MBD5: variants seen among roughly 807,000 people sequenced by gnomAD.
The protein encoded by MBD5 is methyl-CpG binding domain protein 5, also known as methyl-CpG-binding domain protein 5.
A neutral mutation model predicts 117.3 loss-of-function variants in MBD5; 13 were observed. The ratio of observed to expected loss-of-function variants is 0.11; its 90% CI spans 0.07 to 0.18. The LOEUF (loss-of-function observed/expected upper bound fraction) is 0.18. Among genes scored for constraint, MBD5 ranks in the 10% least tolerant of loss-of-function variants. The pLI is 1.00. For synonymous variants in MBD5, 727 were observed against 766.4 expected, an observed-to-expected ratio of 0.95 and a Z score of 0.85; for missense variants, 1,879 against 2,093.8, an observed-to-expected ratio of 0.90 and a Z score of 2.00.
intron 3 of MBD5, among the ~76,000 whole-genome samples, chr2:148,253,489 T>C (rs757379841): frequency 2.6e-5 from 4 of 152,218 alleles, no homozygotes; most frequent in Non-Finnish European, 5.9e-5. Context: ...ACCTCAGAGA[T>C]ACTGCAGGTT....
At chr2:148,294,176 T>G (rs892600529) in intron 3 of MBD5, among the ~76,000 whole-genome samples, 1 of 150,896 alleles carries the variant, frequency 6.6e-6, no homozygotes, top group African/African-American at 2.5e-5. Context: ...CTTTTTGAAA[T>G]AGAGTTTGGC....
intron 1 of MBD5, among the ~76,000 whole-genome samples, chr2:148,080,959 T>C (rs1695633679): frequency 6.6e-6 from 1 of 152,176 alleles, no homozygotes; most frequent in African/African-American, 2.4e-5. Flanking sequence ...CAAAATGCAA[T>C]ATAGGAAGCT....
At chr2:148,327,119 A>T (rs1475375538) in intron 3 of MBD5, among the ~76,000 whole-genome samples, 1 of 151,998 alleles carries the variant, frequency 6.6e-6, no homozygotes, top group Non-Finnish European at 1.5e-5. Context: ...TGGATATGAA[A>T]TTCTGGGTTG....
intron 1 of MBD5, among the ~76,000 whole-genome samples, chr2:148,169,547 C>A (rs1420601256): frequency 6.6e-6 from 1 of 152,190 alleles, no homozygotes; most frequent in Non-Finnish European, 1.5e-5. Flanking sequence ...TAAAGGTGGG[C>A]TCTCAGAACC....
Position 148,021,284 on chromosome 2 carries a change from G to A in MBD5, c.-1325G>A, listed in dbSNP as rs17218767. ...CCTCCAGCCCTGAGCCCTGAGAGGG[G>A]GATTGAGCCTGAGAGAGGAGAAGGA... On this transcript the variant is annotated 5_prime_UTR_variant, in exon 1 of 14. Coordinates refer to ENST00000642680, the MANE Select transcript of MBD5 (RefSeq NM_001378120.1). 3 of 364,628 alleles carry A rather than the reference G, an allele frequency of 8.2e-6. No homozygotes were observed. Among genetic ancestry groups the A allele is most frequent in the Non-Finnish European group, 1.6e-5 (3 of 184,800 alleles). The allele number at this position is 364,628 out of a possible 1,614,324, so 22.6% of individuals were successfully genotyped here.
chr2:148,406,490 T>G (rs1286380925), intron 4 of MBD5, among the ~76,000 whole-genome samples: 2 of 152,160 alleles, frequency 1.3e-5, no homozygotes, highest in Non-Finnish European at 2.9e-5. Context: ...TTCCAGTCAA[T>G]TCTCAACACA....
chr2:148,381,961 C>G (rs1704159332), intron 4 of MBD5, among the ~76,000 whole-genome samples: 1 of 152,136 alleles, frequency 6.6e-6, no homozygotes, highest in Non-Finnish European at 1.5e-5. Context: ...GAAGGAAGCA[C>G]TAAACATAGA....
At chr2:148,271,160 A>C (rs1057248326) in intron 3 of MBD5, among the ~76,000 whole-genome samples, 3 of 152,144 alleles carry the variant, frequency 2.0e-5, no homozygotes, top group African/African-American at 7.2e-5. Context: ...TTTAGGCTCT[A>C]GGTAATTTTA....
chr2:148,262,310 G>T (rs1028792699), intron 3 of MBD5, among the ~76,000 whole-genome samples: 9 of 151,602 alleles, frequency 5.9e-5, no homozygotes, highest in African/African-American at 2.2e-4. Context: ...GTTTACCAGA[G>T]GATGACATAT....
intron 3 of MBD5, among the ~76,000 whole-genome samples, chr2:148,317,640 C>G (rs1376021902): frequency 6.7e-6 from 1 of 149,892 alleles, no homozygotes; most frequent in Non-Finnish European, 1.5e-5. Flanking sequence ...TCTCTAGTGT[C>G]TATTATTCCA....
At chr2:148,432,615 G>T (rs1012035899) in intron 4 of MBD5, among the ~76,000 whole-genome samples, 1 of 151,930 alleles carries the variant, frequency 6.6e-6, no homozygotes, top group Non-Finnish European at 1.5e-5. Flanking sequence ...AACATTTATT[G>T]AATGGGGAAT....
intron 3 of MBD5, among the ~76,000 whole-genome samples, chr2:148,300,356 G>A (rs1701754078): frequency 6.6e-6 from 1 of 152,034 alleles, no homozygotes; most frequent in East Asian, 1.9e-4. Flanking sequence ...CCCGGGCATG[G>A]GGATTGTTTT....
At chr2:148,088,236 ATTGT>A (rs780886865) in intron 1 of MBD5, among the ~76,000 whole-genome samples, 10 of 152,096 alleles carry the variant, frequency 6.6e-5, no homozygotes, top group Non-Finnish European at 1.3e-4. Flanking sequence ...CTTAAGAATA[ATTGT>A]TATTCCTGAG....
At chr2:148,163,523 A>G (rs11893214) in intron 1 of MBD5, among the ~76,000 whole-genome samples, 3 of 152,178 alleles carry the variant, frequency 2.0e-5, no homozygotes, top group South Asian at 4.1e-4. Context: ...TCAAGCGACA[A>G]TCCTACCTCA....
intron 2 of MBD5, among the ~76,000 whole-genome samples, chr2:148,218,488 A>G (rs1189099780): frequency 6.6e-6 from 1 of 152,234 alleles, no homozygotes; most frequent in East Asian, 1.9e-4. Flanking sequence ...GAGATGTGGT[A>G]GTGAAACAGA....
intron 3 of MBD5, among the ~76,000 whole-genome samples, chr2:148,254,315 A>G (rs1301167050): frequency 6.6e-6 from 1 of 152,160 alleles, no homozygotes; most frequent in East Asian, 1.9e-4. Context: ...AGCAGTTACT[A>G]TGTTTAAGGC....
chr2:148,062,664 T>C (rs1046708305), intron 1 of MBD5: 5 of 152,190 alleles, frequency 3.3e-5, no homozygotes, highest in African/African-American at 1.2e-4. Flanking sequence ...TAATTAATAG[T>C]ATTTGAATCA....
Position 148,088,016 on chromosome 2 carries a change from G to GA in MBD5, c.-925+66342dup, listed in dbSNP as rs549142676. Among the ~76,000 whole-genome samples the GA allele has an allele frequency of 3.1e-3, 450 of 145,932 alleles. 4 individuals carry two copies. Among genetic ancestry groups the GA allele is most frequent in the African/African-American group, 9.8e-3 (391 of 39,988 alleles). On this transcript the variant is annotated intron_variant, in intron 1 of 13. Transcript: ENST00000642680. ...GCTCCAGAGAAATAGATATCATAACGAAAAAAAAAATACAACTTCTGGAAA... is the reference window on the plus strand; with the variant it reads ...GCTCCAGAGAAATAGATATCATAACGAAAAAAAAAAATACAACTTCTGGAAA...
At chr2:148,397,620 C>T (rs958187878) in intron 4 of MBD5, among the ~76,000 whole-genome samples, 20 of 152,094 alleles carry the variant, frequency 1.3e-4, no homozygotes, top group African/African-American at 3.4e-4. Context: ...TGAGCCACCG[C>T]GCCCAGCCTG....
Sources: allele counts gnomAD v4.1 joint callset (sites outside exome capture counted in the v4.1 genomes callset), GRCh38; gene constraint gnomAD v4.1.1; transcripts MANE v1.5; gene names NCBI Gene and HGNC (gene_info 2026-07-23, HGNC 2026-07-21).